Variants in AHCY observed in about 807,000 individuals in gnomAD.
The protein encoded by AHCY is S-adenosyl-L-homocysteine hydrolase.
In AHCY, 24 loss-of-function variants were observed where a neutral mutation model predicts 45.4. The observed-to-expected ratio is 0.53, with a 90% CI of 0.38 to 0.74. The LOEUF (loss-of-function observed/expected upper bound fraction) is 0.74, where lower values mean the gene tolerates loss of function less well. Ranked by LOEUF, AHCY falls within the 30% of genes least tolerant of loss-of-function variation. The pLI, the probability that AHCY is intolerant of heterozygous loss-of-function variation, is 0.00. For missense variants in AHCY, 449 were observed against 594.1 expected, an observed-to-expected ratio of 0.76 and a Z score of 2.54; for synonymous variants, 245 against 235.1, an observed-to-expected ratio of 1.04 and a Z score of -0.39.
downstream of AHCY, among the ~76,000 whole-genome samples, chr20:34,276,063 C>T (rs1568778867): frequency 6.6e-6 from 1 of 152,106 alleles, no homozygotes; most frequent in Non-Finnish European, 1.5e-5. Flanking sequence ...ACATTCCTTC[C>T]AATCCTGGCA....
chr20:34,246,984 TG>T, the AHCY span, among the ~76,000 whole-genome samples: 1 of 150,620 alleles, frequency 6.6e-6, no homozygotes, highest in Admixed American at 6.6e-5. Context: ...TGTTGGTTTT[TG>T]TTTTTTTGTT....
chr20:34,243,437 T>C, the AHCY span, among the ~76,000 whole-genome samples: 1 of 151,962 alleles, frequency 6.6e-6, no homozygotes, highest in African/African-American at 2.4e-5. Context: ...TCAAATAATT[T>C]TAGTGTTGTT....
chr20:34,242,197 ATTTTATTTTATTTTATTAT>A, the AHCY span, among the ~76,000 whole-genome samples: 4 of 151,212 alleles, frequency 2.6e-5, no homozygotes, highest in South Asian at 2.1e-4. Context: ...TAAAATTTTT[ATTTTATTTTATTTTATTAT>A]TTTTATTTTA....
At chr20:34,246,127 A>T in the AHCY span, 1 of 933,996 alleles carries the variant, frequency 1.1e-6, no homozygotes, top group Non-Finnish European at 1.7e-6. Context: ...CTTTAAGATC[A>T]ATTTCAAAAG....
intron 1 of AHCY, among the ~76,000 whole-genome samples, chr20:34,301,240 C>A (rs763629051): frequency 3.4e-4 from 51 of 152,194 alleles, no homozygotes; most frequent in Middle Eastern, 3.4e-3. Context: ...TGGGAGGGGC[C>A]CGGCTGTATG....
chr20:34,234,557 G>A, the AHCY span, among the ~76,000 whole-genome samples: 3 of 149,542 alleles, frequency 2.0e-5, no homozygotes, highest in East Asian at 5.8e-4. Context: ...TCACTCTGTT[G>A]CCCAAGTGTA....
At chr20:34,260,252 A>C in the AHCY span, 2 of 1,066,504 alleles carry the variant, frequency 1.9e-6, no homozygotes, top group East Asian at 4.8e-5. Flanking sequence ...CTCCACCAGG[A>C]CACTTGCCTA....
chr20:34,277,242 TGG>T (rs1243251144), downstream of AHCY, among the ~76,000 whole-genome samples: 2 of 152,122 alleles, frequency 1.3e-5, no homozygotes, highest in Admixed American at 6.5e-5. Context: ...AGCCCTGACA[TGG>T]ACTCGGGTGG....
At chr20:34,275,138 T>A in the AHCY span, among the ~76,000 whole-genome samples, 3 of 147,572 alleles carry the variant, frequency 2.0e-5, no homozygotes, top group African/African-American at 4.9e-5. Context: ...TTTCTTTTTT[T>A]TTTTTTTTTT....
At chr20:34,272,034 A>G in the AHCY span, among the ~76,000 whole-genome samples, 1 of 129,334 alleles carries the variant, frequency 7.7e-6, no homozygotes, top group South Asian at 2.8e-4. Context: ...GAAAGATTAT[A>G]CAACGTGCCT....
chr20:34,299,258 T>G (rs1418303655), intron 1 of AHCY, among the ~76,000 whole-genome samples: 1 of 152,092 alleles, frequency 6.6e-6, no homozygotes, highest in African/African-American at 2.4e-5. Flanking sequence ...ACTTCCATAC[T>G]CCACTAAAAC....
intron 8 of AHCY, among the ~76,000 whole-genome samples, chr20:34,288,962 C>T (rs765205364): frequency 3.3e-5 from 5 of 152,182 alleles, no homozygotes; most frequent in Non-Finnish European, 5.9e-5. Context: ...CATGGGCCTG[C>T]TCCTCACACA....
At chr20:34,262,685 T>C in the AHCY span, 1 of 796,182 alleles carries the variant, frequency 1.3e-6, no homozygotes. Flanking sequence ...ACCTACTGGC[T>C]TGAGTCCTAC....
At chr20:34,287,172 C>T (rs1443715400) in intron 8 of AHCY, among the ~76,000 whole-genome samples, 2 of 152,144 alleles carry the variant, frequency 1.3e-5, no homozygotes, top group African/African-American at 2.4e-5. Flanking sequence ...GCCCATCAGG[C>T]ATTGATTGAT....
downstream of AHCY, among the ~76,000 whole-genome samples, chr20:34,275,987 G>A (rs866479080): frequency 8.7e-4 from 133 of 152,132 alleles, no homozygotes; most frequent in African/African-American, 3.0e-3. Flanking sequence ...TGCTGCACCC[G>A]GTCTGTGTTG....
chr20:34,249,446 T>C, the AHCY span, among the ~76,000 whole-genome samples: 1 of 152,150 alleles, frequency 6.6e-6, no homozygotes, highest in South Asian at 2.1e-4. Flanking sequence ...TAATGTAATG[T>C]TTCCCCTAAT....
upstream of AHCY, among the ~76,000 whole-genome samples, chr20:34,307,920 G>GT (rs924243611): frequency 4.5e-4 from 67 of 147,976 alleles, no homozygotes; most frequent in Admixed American, 8.8e-4. Context: ...CAGCACCTAA[G>GT]TTTTTTTTTT....
chr20:34,246,064 TC>T, the AHCY span: 1 of 879,594 alleles, frequency 1.1e-6, no homozygotes, highest in Non-Finnish European at 1.9e-6. Context: ...AATTTCATCC[TC>T]CCCATTACTG....
the AHCY span, chr20:34,269,192 A>T: frequency 6.8e-7 from 1 of 1,476,414 alleles, no homozygotes; most frequent in Admixed American, 2.3e-5. Flanking sequence ...GGCCGCGAGC[A>T]GGCAGGGCTT....
Sources: allele counts gnomAD v4.1 joint callset (sites outside exome capture counted in the v4.1 genomes callset), GRCh38; gene constraint gnomAD v4.1.1; transcripts MANE v1.5; gene names NCBI Gene and HGNC (gene_info 2026-07-23, HGNC 2026-07-21).